The following GMDS variants were observed in gnomAD, a reference collection of about 807,000 sequenced individuals.
GMDS encodes the protein GDP-mannose 4,6 dehydratase.
GMDS carries 20 observed loss-of-function variants against 49.9 expected under a neutral mutation model. The observed-to-expected ratio is 0.40, with a 90% CI of 0.28 to 0.58. The LOEUF is 0.58. Among genes scored for constraint, GMDS ranks in the 20% least tolerant of loss-of-function variants. The pLI is 0.42. For synonymous variants in GMDS, 177 were observed against 178.6 expected (o/e 0.99, Z 0.07); for missense variants, 362 against 481.4 (o/e 0.75, Z 2.32).
intron 7 of GMDS, among the ~76,000 whole-genome samples, chr6:1,750,527 C>T (rs756276990): frequency 6.6e-6 from 1 of 152,140 alleles, no homozygotes; most frequent in Non-Finnish European, 1.5e-5. Flanking sequence ...AGGGACTGTG[C>T]CATGGGGAAC....
At chr6:1,764,882 C>A (rs181942426) in intron 7 of GMDS, among the ~76,000 whole-genome samples, 2 of 152,102 alleles carry the variant, frequency 1.3e-5, no homozygotes, top group South Asian at 2.1e-4. Context: ...TCTCAACATG[C>A]GGGTTTTTGC....
chr6:1,859,475 C>A (rs914154252), intron 7 of GMDS, among the ~76,000 whole-genome samples: 1 of 152,186 alleles, frequency 6.6e-6, no homozygotes. Flanking sequence ...GGCCACCAAA[C>A]GTGCAATGAA....
chr6:2,212,296 G>T (rs1323408738), intron 1 of GMDS, among the ~76,000 whole-genome samples: 1 of 152,130 alleles, frequency 6.6e-6, no homozygotes, highest in Non-Finnish European at 1.5e-5. Context: ...GAAGGTCTTT[G>T]TCAAAAACTT....
chr6:1,883,941 T>C (rs2113828421), intron 7 of GMDS, among the ~76,000 whole-genome samples: 1 of 152,338 alleles, frequency 6.6e-6, no homozygotes, highest in South Asian at 2.1e-4. Flanking sequence ...ATTTATTACC[T>C]AGTTTTAATC....
At chr6:1,919,063 A>AT (rs1761572911) in intron 7 of GMDS, among the ~76,000 whole-genome samples, 1 of 152,194 alleles carries the variant, frequency 6.6e-6, no homozygotes, top group South Asian at 2.1e-4. Context: ...CATTTTTATA[A>AT]TTTTATAAAG....
chr6:2,024,806 G>T (rs923083588), intron 4 of GMDS, among the ~76,000 whole-genome samples: 1 of 151,674 alleles, frequency 6.6e-6, no homozygotes, highest in Admixed American at 6.6e-5. Context: ...CTATAAAAGG[G>T]AAAGACAACT....
intron 1 of GMDS, among the ~76,000 whole-genome samples, chr6:2,157,662 T>C (rs1777175592): frequency 6.6e-6 from 1 of 152,286 alleles, no homozygotes; most frequent in East Asian, 1.9e-4. Flanking sequence ...AGGGCTTCAG[T>C]AATTAGGAAA....
intron 1 of GMDS, among the ~76,000 whole-genome samples, chr6:2,126,311 A>G (rs1437620622): frequency 1.3e-5 from 2 of 152,058 alleles, no homozygotes; most frequent in Non-Finnish European, 2.9e-5. Context: ...AGCTCCAACC[A>G]CTGGAAATTC....
chr6:2,015,903 C>A (rs73410424), intron 4 of GMDS, among the ~76,000 whole-genome samples: 3,712 of 151,964 alleles, frequency 0.024, 102 homozygotes, highest in South Asian at 0.093. Flanking sequence ...TTCTTAGCAA[C>A]CTCAGTTTAT....
At chr6:1,985,729 A>G (rs1765505939) in intron 4 of GMDS, among the ~76,000 whole-genome samples, 1 of 152,210 alleles carries the variant, frequency 6.6e-6, no homozygotes, top group South Asian at 2.1e-4. Context: ...AACAGACACC[A>G]CAAGAAGACA....
chr6:2,239,431 A>G (rs556822219), intron 1 of GMDS, among the ~76,000 whole-genome samples: 3 of 152,000 alleles, frequency 2.0e-5, no homozygotes, highest in African/African-American at 7.2e-5. Flanking sequence ...TTGTACACAT[A>G]ATAAGTCAGC....
intron 9 of GMDS, among the ~76,000 whole-genome samples, chr6:1,642,367 C>T (rs367984715): frequency 6.6e-6 from 1 of 151,834 alleles, no homozygotes; most frequent in East Asian, 1.9e-4. Flanking sequence ...CAGGGTTTCA[C>T]CATGTTGGTC....
At chr6:2,099,387 C>T (rs1374997045) in intron 4 of GMDS, among the ~76,000 whole-genome samples, 21 of 151,992 alleles carry the variant, frequency 1.4e-4, no homozygotes, top group Admixed American at 1.4e-3. Flanking sequence ...TTGTATTTTT[C>T]CCTGGTGAGC....
At chr6:2,146,309 T>C (rs1293350199) in intron 1 of GMDS, among the ~76,000 whole-genome samples, 1 of 152,136 alleles carries the variant, frequency 6.6e-6, no homozygotes, top group African/African-American at 2.4e-5. Context: ...TGAAGACATA[T>C]GAAGGTGGTT....
intron 1 of GMDS, among the ~76,000 whole-genome samples, chr6:2,212,089 CTG>C (rs1254941873): frequency 2.6e-5 from 4 of 152,086 alleles, no homozygotes; most frequent in East Asian, 1.9e-4. Flanking sequence ...AATTTAGAAC[CTG>C]TGTTACATTT....
chr6:1,939,008 TTCTC>T (rs143318093), intron 6 of GMDS, among the ~76,000 whole-genome samples: 5,892 of 132,856 alleles, frequency 0.044, 342 homozygotes, highest in African/African-American at 0.14. Flanking sequence ...TCCTCTTCTC[TTCTC>T]TCTCTCTCTC....
At chr6:2,142,707 T>C (rs1234212033) in intron 1 of GMDS, among the ~76,000 whole-genome samples, 3 of 152,250 alleles carry the variant, frequency 2.0e-5, no homozygotes, top group Non-Finnish European at 4.4e-5. Context: ...GCAGCCCTAG[T>C]GGACTAACAC....
intron 7 of GMDS, among the ~76,000 whole-genome samples, chr6:1,798,039 A>T (rs1188689039): frequency 6.6e-6 from 1 of 152,200 alleles, no homozygotes; most frequent in Non-Finnish European, 1.5e-5. Context: ...CCTGGAAAAC[A>T]TCTTCCTGCA....
chr6:2,136,273 T>C (rs1307856002), intron 1 of GMDS, among the ~76,000 whole-genome samples: 1 of 152,248 alleles, frequency 6.6e-6, no homozygotes, highest in African/African-American at 2.4e-5. Flanking sequence ...TTAGATTTCA[T>C]AAAACTGATC....
Sources: allele counts gnomAD v4.1 joint callset (sites outside exome capture counted in the v4.1 genomes callset), GRCh38; gene constraint gnomAD v4.1.1; transcripts MANE v1.5; gene names NCBI Gene and HGNC (gene_info 2026-07-23, HGNC 2026-07-21).